BRI3BP: variants seen among roughly 807,000 people sequenced by gnomAD.
The protein encoded by BRI3BP is BRI3 binding protein, also known as BRI3-binding protein.
In BRI3BP, 7 loss-of-function variants were observed where a neutral mutation model predicts 15.8. That is an observed-to-expected ratio of 0.44 (90% CI 0.25 to 0.83). The LOEUF (loss-of-function observed/expected upper bound fraction) is 0.83. Ranked by LOEUF, BRI3BP falls within the 40% of genes least tolerant of loss-of-function variation. The pLI, the probability that BRI3BP is intolerant of heterozygous loss-of-function variation, is 0.20. For missense variants in BRI3BP, 320 were observed against 339.3 expected (o/e 0.94, Z 0.45); for synonymous variants, 192 against 163.5 (o/e 1.17, Z -1.33).
chr12:125,029,777 C>T lies in BRI3BP; in HGVS notation c.*4347C>T, dbSNP rs1237756227. The stretch of plus-strand genomic sequence containing the variant: ...CGTTGAAAGGTGTTTCATACACTTA[C>T]CCCAGAAATGAGAGCCTGTCTCATG... On this transcript the variant is annotated 3_prime_UTR_variant, in exon 3 of 3. Coordinates refer to ENST00000341446, the MANE Select transcript of BRI3BP (RefSeq NM_080626.6). 2.0e-5 allele frequency: 3 copies of T among 152,154 alleles called. No individual in the cohort carries two copies. The highest frequency in any genetic ancestry group is 4.4e-5 in the Non-Finnish European group (3 of 68,034). 9.4% of individuals were successfully genotyped at this position (152,154 alleles called of 1,614,324 possible).
At chr12:125,002,757 A>C (rs1487211098) in intron 1 of BRI3BP, among the ~76,000 whole-genome samples, 1 of 152,146 alleles carries the variant, frequency 6.6e-6, no homozygotes, top group Non-Finnish European at 1.5e-5. Context: ...CACCTGGCCC[A>C]GAACTGTCTT....
chr12:125,018,445 G>A (rs962303308), intron 2 of BRI3BP, among the ~76,000 whole-genome samples: 7 of 152,100 alleles, frequency 4.6e-5, no homozygotes, highest in African/African-American at 1.2e-4. Context: ...GTCCTTATAC[G>A]AAGGGGAAAT....
At chr12:125,012,123 G>A (rs531035117) in intron 1 of BRI3BP, among the ~76,000 whole-genome samples, 1 of 152,268 alleles carries the variant, frequency 6.6e-6, no homozygotes, top group Non-Finnish European at 1.5e-5. Context: ...GTTTGAGGGT[G>A]CAGTGAGCTA....
At chr12:125,021,809 C>T (rs1955301384) in intron 2 of BRI3BP, among the ~76,000 whole-genome samples, 1 of 152,134 alleles carries the variant, frequency 6.6e-6, no homozygotes, top group Non-Finnish European at 1.5e-5. Context: ...AAACCACCTC[C>T]ACGATCCAAT....
chr12:125,020,593 T>C (rs1955289967), intron 2 of BRI3BP, among the ~76,000 whole-genome samples: 1 of 152,222 alleles, frequency 6.6e-6, no homozygotes, highest in Admixed American at 6.5e-5. Flanking sequence ...TGTTTTTAAA[T>C]TATTAACAAT....
intron 2 of BRI3BP, among the ~76,000 whole-genome samples, chr12:125,018,719 G>A (rs1955268311): frequency 7.1e-6 from 1 of 140,276 alleles, no homozygotes. Context: ...TTGCCCTGTT[G>A]CCCAGGCTGA....
chr12:125,029,547 T>C lies in BRI3BP; in HGVS notation c.*4117T>C, dbSNP rs1565908657. 7.0e-6 allele frequency: 1 copy of C among 142,750 alleles called. No homozygotes were observed. The highest frequency in any genetic ancestry group is 2.7e-5 in the African/African-American group (1 of 36,570). The allele number at this position is 142,750 out of a possible 1,614,324, so 8.8% of individuals were successfully genotyped here. A position where few individuals can be genotyped will look rare whatever the true frequency, so the allele number is the denominator to read the frequency against. Reference sequence around the variant, plus strand: ...ACCCAGTCTCAAAAAAAAAAAAAAGTGTGTGTGTGTGTATATATATGTATA... The same window carrying C: ...ACCCAGTCTCAAAAAAAAAAAAAAGCGTGTGTGTGTGTATATATATGTATA... On this transcript the variant is annotated 3_prime_UTR_variant, in exon 3 of 3. Transcript: ENST00000341446.
chr12:124,997,214 C>CTTTTTTTCTTTTTTTTTT (rs1955048307), intron 1 of BRI3BP, among the ~76,000 whole-genome samples: 1 of 51,550 alleles, frequency 1.9e-5, no homozygotes, highest in African/African-American at 1.0e-4. Flanking sequence ...CTTTACTTCT[C>CTTTTTTTCTTTTTTTTTT]TTTTTTTTTT....
intron 1 of BRI3BP, among the ~76,000 whole-genome samples, chr12:125,011,979 C>T (rs1393953209): frequency 1.3e-5 from 2 of 152,124 alleles, no homozygotes; most frequent in Non-Finnish European, 2.9e-5. Flanking sequence ...CTGCTTGAGG[C>T]TTAGAGTTTG....
At chr12:125,007,359 A>G (rs7298383) in intron 1 of BRI3BP, among the ~76,000 whole-genome samples, 102,440 of 151,982 alleles carry the variant, frequency 0.67, 36,162 homozygotes, top group African/African-American at 0.9. Context: ...AAACCAGCCT[A>G]GCCAACATAG....
chr12:125,019,660 C>CTTTTTTTTTTTT (rs1955278838), intron 2 of BRI3BP, among the ~76,000 whole-genome samples: 292 of 24,642 alleles, frequency 0.012, 38 homozygotes, highest in African/African-American at 0.034. Flanking sequence ...TTTTTTTTGC[C>CTTTTTTTTTTTT]TTTTTTGCTG....
intron 1 of BRI3BP, among the ~76,000 whole-genome samples, chr12:125,003,999 AC>A (rs1955121214): frequency 0.059 from 1,079 of 18,172 alleles, 16 homozygotes; most frequent in African/African-American, 0.23. Context: ...ACACACACAC[AC>A]ACAACACACA....
At chr12:125,047,439 C>T in the BRI3BP span, among the ~76,000 whole-genome samples, 2 of 152,108 alleles carry the variant, frequency 1.3e-5, no homozygotes, top group Admixed American at 1.3e-4. Context: ...TCCCAAAGTG[C>T]TGGGATTACA....
the BRI3BP span, among the ~76,000 whole-genome samples, chr12:125,037,028 G>T: frequency 2.8e-4 from 43 of 152,306 alleles, no homozygotes; most frequent in African/African-American, 1.0e-3. Context: ...ACAGATGGTT[G>T]TCTTCATATG....
chr12:125,023,635 C>G (rs1955320221), intron 2 of BRI3BP, among the ~76,000 whole-genome samples: 1 of 152,214 alleles, frequency 6.6e-6, no homozygotes, highest in Non-Finnish European at 1.5e-5. Context: ...CAGCCTCTAC[C>G]TCCCAGCCTC....
chr12:125,006,397 C>G (rs74369114), intron 1 of BRI3BP, among the ~76,000 whole-genome samples: 1 of 152,184 alleles, frequency 6.6e-6, no homozygotes, highest in African/African-American at 2.4e-5. Flanking sequence ...CTCTCCTGCC[C>G]GGGGCCAGTT....
At chr12:124,995,659 A>G (rs1439803422) in intron 1 of BRI3BP, among the ~76,000 whole-genome samples, 3 of 152,204 alleles carry the variant, frequency 2.0e-5, no homozygotes, top group Non-Finnish European at 2.9e-5. Context: ...TTTTGTAGAT[A>G]GAATAATCTT....
intron 1 of BRI3BP, among the ~76,000 whole-genome samples, chr12:125,001,688 T>A (rs75721210): frequency 0.013 from 2,051 of 152,228 alleles, 50 homozygotes; most frequent in African/African-American, 0.047. Context: ...GTAAGGGACT[T>A]TTACAGCATT....
At chr12:125,043,252 C>T in the BRI3BP span, among the ~76,000 whole-genome samples, 1 of 152,142 alleles carries the variant, frequency 6.6e-6, no homozygotes, top group Non-Finnish European at 1.5e-5. Flanking sequence ...TCAGGAAGAT[C>T]GTGTGTGTTC....
Sources: gnomAD v4.1 joint callset for allele counts (sites outside exome capture counted in the v4.1 genomes callset) on GRCh38, gnomAD v4.1.1 for gene constraint, MANE v1.5 for transcripts, NCBI Gene and HGNC (gene_info 2026-07-23, HGNC 2026-07-21) for gene names.